Variants in ARB2A observed in about 807,000 individuals in gnomAD.
ARB2A encodes ARB2 cotranscriptional regulator A.
At chr5:94,082,559 G>C in the ARB2A span, among the ~76,000 whole-genome samples, 32 of 152,086 alleles carry the variant, frequency 2.1e-4, no homozygotes, top group Non-Finnish European at 4.0e-4. Flanking sequence ...TGCAAACAAG[G>C]CATTTAAGTA....
At chr5:93,969,242 A>C in the ARB2A span, among the ~76,000 whole-genome samples, 1 of 151,958 alleles carries the variant, frequency 6.6e-6, no homozygotes, top group Non-Finnish European at 1.5e-5. Flanking sequence ...TTTTGTGATT[A>C]GAGATAAGCA....
At chr5:93,723,377 C>T in the ARB2A span, among the ~76,000 whole-genome samples, 1 of 152,138 alleles carries the variant, frequency 6.6e-6, no homozygotes, top group Non-Finnish European at 1.5e-5. Flanking sequence ...TCCCAAAAGA[C>T]ATGTAGAGAA....
At chr5:94,005,111 T>C in the ARB2A span, among the ~76,000 whole-genome samples, 2 of 149,276 alleles carry the variant, frequency 1.3e-5, no homozygotes, top group South Asian at 2.1e-4. Context: ...GTATGAAAAA[T>C]TGAAAAAAAT....
the ARB2A span, among the ~76,000 whole-genome samples, chr5:93,962,171 CTTTA>C: frequency 6.6e-6 from 1 of 152,160 alleles, no homozygotes; most frequent in East Asian, 1.9e-4. Context: ...AACCACCTCA[CTTTA>C]TTACAAATCA....
At chr5:94,077,254 T>C in the ARB2A span, among the ~76,000 whole-genome samples, 2 of 151,766 alleles carry the variant, frequency 1.3e-5, no homozygotes, top group East Asian at 2.0e-4. Flanking sequence ...ACGCCTGTAG[T>C]CCCACCTACT....
chr5:94,032,607 G>C, the ARB2A span, among the ~76,000 whole-genome samples: 2 of 152,142 alleles, frequency 1.3e-5, no homozygotes, highest in African/African-American at 4.8e-5. Flanking sequence ...AAAGCCACAG[G>C]CTCAAGCACA....
chr5:93,799,318 G>C, the ARB2A span, among the ~76,000 whole-genome samples: 1 of 152,134 alleles, frequency 6.6e-6, no homozygotes, highest in East Asian at 1.9e-4. Flanking sequence ...TATCCCTTTA[G>C]ATAGTGTTGC....
chr5:93,635,486 G>T, the ARB2A span, among the ~76,000 whole-genome samples: 1 of 136,534 alleles, frequency 7.3e-6, no homozygotes, highest in Non-Finnish European at 1.5e-5. Context: ...TTGTGAGATG[G>T]AGTCTCGCTC....
chr5:94,041,137 G>A, the ARB2A span, among the ~76,000 whole-genome samples: 1 of 151,474 alleles, frequency 6.6e-6, no homozygotes, highest in South Asian at 2.1e-4. Flanking sequence ...TTGAATAAAC[G>A]GTAAAAATCA....
chr5:93,869,906 G>C, the ARB2A span, among the ~76,000 whole-genome samples: 1 of 152,112 alleles, frequency 6.6e-6, no homozygotes, highest in Non-Finnish European at 1.5e-5. Context: ...TTCTCTTTTC[G>C]GGCTCAGCCC....
chr5:93,654,339 C>T, the ARB2A span, among the ~76,000 whole-genome samples: 1 of 152,136 alleles, frequency 6.6e-6, no homozygotes, highest in African/African-American at 2.4e-5. Context: ...ATTTTACAGT[C>T]ATTAACACTA....
the ARB2A span, among the ~76,000 whole-genome samples, chr5:93,721,316 C>G: frequency 1.3e-5 from 2 of 151,998 alleles, no homozygotes; most frequent in African/African-American, 2.4e-5. Context: ...CATAGTTAAT[C>G]GTAAGATAGT....
the ARB2A span, among the ~76,000 whole-genome samples, chr5:93,985,346 T>C: frequency 4.6e-4 from 70 of 152,018 alleles, no homozygotes; most frequent in African/African-American, 1.6e-3. Context: ...AAATATTCAC[T>C]AAGAAAAACA....
the ARB2A span, among the ~76,000 whole-genome samples, chr5:93,797,444 A>T: frequency 6.6e-6 from 1 of 152,150 alleles, no homozygotes; most frequent in Non-Finnish European, 1.5e-5. Context: ...GAAGCACAGT[A>T]CAGAGTGTTT....
At chr5:93,966,770 CAA>C in the ARB2A span, among the ~76,000 whole-genome samples, 2 of 152,080 alleles carry the variant, frequency 1.3e-5, no homozygotes, top group South Asian at 2.1e-4. Context: ...CAAGGTATGG[CAA>C]AGTGTCTCAC....
chr5:93,641,098 G>A, the ARB2A span, among the ~76,000 whole-genome samples: 1 of 151,880 alleles, frequency 6.6e-6, no homozygotes, highest in Non-Finnish European at 1.5e-5. Flanking sequence ...TACTCGGGAG[G>A]CTGAGGCAGG....
At chr5:94,080,372 G>A in the ARB2A span, among the ~76,000 whole-genome samples, 4 of 152,102 alleles carry the variant, frequency 2.6e-5, no homozygotes, top group Non-Finnish European at 5.9e-5. Context: ...TGAAATAACA[G>A]TAATAACACA....
chr5:93,797,752 C>CAA, the ARB2A span, among the ~76,000 whole-genome samples: 1 of 152,090 alleles, frequency 6.6e-6, no homozygotes, highest in South Asian at 2.1e-4. Flanking sequence ...AACAGAATTA[C>CAA]ACACAGGTTT....
the ARB2A span, among the ~76,000 whole-genome samples, chr5:93,638,413 T>C: frequency 6.6e-6 from 1 of 152,266 alleles, no homozygotes; most frequent in Admixed American, 6.5e-5. Context: ...TTATGTTGAC[T>C]GATCAAATCT....
Sources: gnomAD v4.1 joint callset for allele counts (sites outside exome capture counted in the v4.1 genomes callset) on GRCh38, gnomAD v4.1.1 for gene constraint, MANE v1.5 for transcripts, NCBI Gene and HGNC (gene_info 2026-07-23, HGNC 2026-07-21) for gene names.